The following GABRB1 variants were observed in gnomAD, a reference collection of about 807,000 sequenced individuals.
GABRB1 encodes the protein gamma-aminobutyric acid type A receptor subunit beta1, also known as gamma-aminobutyric acid receptor subunit beta-1.
A neutral mutation model predicts 51.6 loss-of-function variants in GABRB1; 17 were observed. The ratio of observed to expected loss-of-function variants is 0.33; its 90% confidence interval spans 0.23 to 0.49. GABRB1 has a LOEUF of 0.49. Ranked by LOEUF, GABRB1 falls within the 20% of genes least tolerant of loss-of-function variation. The probability of loss-of-function intolerance (pLI) is 0.99; values close to 1 mark genes in which losing one functional copy is unlikely to be tolerated. For synonymous variants in GABRB1, 247 were observed against 218.9 expected, an observed-to-expected ratio of 1.13 and a Z score of -1.14; for missense variants, 410 against 600.6, an observed-to-expected ratio of 0.68 and a Z score of 3.32.
chr4:47,377,897 GC>G (rs1207079175), intron 5 of GABRB1, among the ~76,000 whole-genome samples: 1 of 152,220 alleles, frequency 6.6e-6, no homozygotes, highest in African/African-American at 2.4e-5. Context: ...GATACAGAGT[GC>G]CGATTGGTGT....
chr4:47,044,150 TAATTTGTAG>T (rs1725982386), intron 3 of GABRB1, among the ~76,000 whole-genome samples: 1 of 152,114 alleles, frequency 6.6e-6, no homozygotes, highest in Non-Finnish European at 1.5e-5. Context: ...TGACGCCTAA[TAATTTGTAG>T]CCCAAGATGT....
chr4:47,152,980 G>T (rs773793417), intron 3 of GABRB1, among the ~76,000 whole-genome samples: 3 of 152,008 alleles, frequency 2.0e-5, no homozygotes, highest in Non-Finnish European at 4.4e-5. Context: ...TTACTGGGCA[G>T]ATGCCAGTAA....
At position 47,308,334 on chromosome 4, in the gene GABRB1, G is replaced by A. The variant is rs191508795; in HGVS notation, c.462-11793G>A. ...AATGCTAATCATTGCTCTAGAAGTA[G>A]CATTTCTCCACTAATTTCAGGATAT... is the stretch of plus-strand genomic sequence containing the variant. On this transcript the variant is annotated intron_variant, in intron 4 of 8. Transcript: ENST00000295454. Among the ~76,000 whole-genome samples the A allele has an allele frequency of 3.9e-5, 6 of 152,146 alleles. No homozygotes were observed. The East Asian group carries it at 1.2e-3, about 29-fold the overall frequency.
chr4:47,325,316 TC>T (rs1351901362), intron 5 of GABRB1, among the ~76,000 whole-genome samples: 1 of 151,838 alleles, frequency 6.6e-6, no homozygotes, highest in Non-Finnish European at 1.5e-5. Context: ...ATGCCTGTAA[TC>T]CCAGCTACTT....
At chr4:47,304,363 T>A (rs1414330180) in intron 4 of GABRB1, among the ~76,000 whole-genome samples, 1 of 152,072 alleles carries the variant, frequency 6.6e-6, no homozygotes, top group East Asian at 1.9e-4. Flanking sequence ...TTGATTTTAA[T>A]TTGCACCTCT....
At chr4:47,265,781 CG>C (rs1722621671) in intron 4 of GABRB1, among the ~76,000 whole-genome samples, 1 of 151,742 alleles carries the variant, frequency 6.6e-6, no homozygotes, top group African/African-American at 2.4e-5. Flanking sequence ...TCACTGCCTA[CG>C]GGGGTCATTT....
rs528333847 is a variant in GABRB1, at chr4:47,365,464, G to A, written c.545-37854G>A. Among the ~76,000 whole-genome samples, 4 of 152,190 alleles carry A rather than the reference G, an allele frequency of 2.6e-5. No individual in the cohort carries two copies. The South Asian group carries it at 8.3e-4, about 32-fold the overall frequency. ...GAAGGCCCATTGGAGAGGGATTTGG[G>A]GTAAGGATTGTTTCTTCCCACCCAG... On this transcript the variant is annotated intron_variant, in intron 5 of 8. Transcript: ENST00000295454.
chr4:47,293,375 G>T (rs527556885), intron 4 of GABRB1, among the ~76,000 whole-genome samples: 1 of 152,248 alleles, frequency 6.6e-6, no homozygotes, highest in Admixed American at 6.5e-5. Flanking sequence ...CTGACCACTG[G>T]TGATCCACCC....
intron 4 of GABRB1, among the ~76,000 whole-genome samples, chr4:47,232,842 C>T (rs1178013508): frequency 6.6e-6 from 1 of 151,654 alleles, no homozygotes; most frequent in East Asian, 1.9e-4. Context: ...GTCTCCATTC[C>T]TACTCCCTCT....
intron 4 of GABRB1, among the ~76,000 whole-genome samples, chr4:47,176,459 C>T (rs1718706587): frequency 1.3e-5 from 2 of 151,988 alleles, no homozygotes; most frequent in Admixed American, 1.3e-4. Flanking sequence ...AAAGAACAGA[C>T]TTGAGGAAAA....
intron 4 of GABRB1, among the ~76,000 whole-genome samples, chr4:47,297,995 G>T (rs1426492127): frequency 6.6e-6 from 1 of 152,148 alleles, no homozygotes; most frequent in Non-Finnish European, 1.5e-5. Context: ...AAAACTACAT[G>T]ATTATCTCAA....
chr4:47,072,854 G>A (rs943038479), intron 3 of GABRB1, among the ~76,000 whole-genome samples: 1 of 152,064 alleles, frequency 6.6e-6, no homozygotes, highest in Non-Finnish European at 1.5e-5. Context: ...AGCCAATTTG[G>A]CAACACTTAA....
At chr4:47,419,628 T>C (rs1578159484) in intron 8 of GABRB1, among the ~76,000 whole-genome samples, 1 of 152,176 alleles carries the variant, frequency 6.6e-6, no homozygotes. Flanking sequence ...ATTTATAAAA[T>C]GAGGGCCATG....
At chr4:47,277,807 C>T (rs1390303200) in intron 4 of GABRB1, among the ~76,000 whole-genome samples, 6 of 151,776 alleles carry the variant, frequency 4.0e-5, no homozygotes, top group African/African-American at 1.5e-4. Flanking sequence ...AGATATTAGG[C>T]CTACTGTCTA....
chr4:47,156,961 C>G (rs764831970), intron 3 of GABRB1, among the ~76,000 whole-genome samples: 10 of 152,014 alleles, frequency 6.6e-5, no homozygotes, highest in Admixed American at 3.9e-4. Flanking sequence ...GAGCAAGACT[C>G]CATCTCAAAA....
intron 3 of GABRB1, among the ~76,000 whole-genome samples, chr4:47,074,546 A>G (rs1319416710): frequency 6.6e-6 from 1 of 152,214 alleles, no homozygotes; most frequent in African/African-American, 2.4e-5. Context: ...AAAGGAAAAT[A>G]CATCATGGAT....
chr4:47,407,419 AT>A (rs1351270656), intron 8 of GABRB1, among the ~76,000 whole-genome samples: 2 of 152,168 alleles, frequency 1.3e-5, no homozygotes, highest in African/African-American at 4.8e-5. Flanking sequence ...GGAGATTATT[AT>A]AGTATGTCTA....
At chr4:47,144,627 A>G (rs1216960208) in intron 3 of GABRB1, among the ~76,000 whole-genome samples, 2 of 151,936 alleles carry the variant, frequency 1.3e-5, no homozygotes, top group Non-Finnish European at 2.9e-5. Flanking sequence ...CTGAACCTCA[A>G]AGGGGTTAAG....
intron 3 of GABRB1, among the ~76,000 whole-genome samples, chr4:47,097,206 C>T (rs1341591347): frequency 6.6e-6 from 1 of 152,138 alleles, no homozygotes; most frequent in East Asian, 1.9e-4. Context: ...TCCAACATGG[C>T]CTATCCCTTA....
Sources: allele counts gnomAD v4.1 joint callset (sites outside exome capture counted in the v4.1 genomes callset), GRCh38; gene constraint gnomAD v4.1.1; transcripts MANE v1.5; gene names NCBI Gene and HGNC (gene_info 2026-07-23, HGNC 2026-07-21).